CFAP46: variants seen among roughly 807,000 people sequenced by gnomAD.
CFAP46 encodes cilia and flagella associated protein 46, also known as cilia- and flagella-associated protein 46.
CFAP46 carries 245 observed loss-of-function variants against 325.7 expected under a neutral mutation model. That is an observed-to-expected ratio of 0.75 (90% CI 0.68 to 0.84). The LOEUF (loss-of-function observed/expected upper bound fraction) is 0.84. Among genes scored for constraint, CFAP46 ranks in the 40% least tolerant of loss-of-function variants. CFAP46 has a pLI of 0.00. For missense variants in CFAP46, 3,346 were observed against 3,543.0 expected (o/e 0.94, Z 1.41); for synonymous variants, 1,523 against 1,495.9 (o/e 1.02, Z -0.42).
At chr10:132,918,692 G>A (rs1033083901) in intron 15 of CFAP46, among the ~76,000 whole-genome samples, 172 bp from the exon 16 acceptor site, 4 of 152,342 alleles carry the variant, frequency 2.6e-5, no homozygotes, top group Admixed American at 2.0e-4. Flanking sequence ...AGAGGCTGGA[G>A]GAGCTCTCCG....
chr10:132,846,964 C>T lies in CFAP46; in HGVS notation c.6235G>A (p.Ala2079Thr). ...AGAGCCAGGAACTGGCAGGTAGTTG[C>T]AGGGTCCAGGGTGCCGACACACTCC... ...MVECVGTLDPATTCQFLALSQ... is the reference protein window; with the variant it reads ...MVECVGTLDPTTTCQFLALSQ... The change falls in exon 43 of 58, where the codon GCA becomes ACA. Residue 2079 changes from alanine (A) to threonine (T), a missense_variant. Transcript: ENST00000368586. 4 of 1,610,714 alleles carry T rather than the reference C, an allele frequency of 2.5e-6. No individual in the cohort carries two copies. Among genetic ancestry groups the T allele is most frequent in the Non-Finnish European group, 3.4e-6 (4 of 1,179,630 alleles).
rs556109189 is a variant in CFAP46 at position 132,919,139 on chromosome 10, G to A, written c.1858+176C>T. Among the ~76,000 whole-genome samples the A allele has an allele frequency of 6.6e-4, 100 of 152,318 alleles. No homozygotes were observed. The highest frequency in any genetic ancestry group is 1.9e-3 in the African/African-American group (77 of 41,562). On this transcript the variant is annotated intron_variant, in intron 15 of 57. Transcript: ENST00000368586. This position sits in a 1 kb window ranked among gnomAD's most constrained non-coding sequence, Gnocchi z 9.7. Reference sequence around the variant, plus strand: ...TCGGCCGACACAGCCAGATGTGGCCGCCGCCCCATGATTGGCGGTCCTGAT... The same window carrying A: ...TCGGCCGACACAGCCAGATGTGGCCACCGCCCCATGATTGGCGGTCCTGAT...
At chr10:132,901,010 G>A (rs561249499) in intron 22 of CFAP46, among the ~76,000 whole-genome samples, 10 of 152,326 alleles carry the variant, frequency 6.6e-5, no homozygotes, top group African/African-American at 7.2e-5. Context: ...CTCGGATCGC[G>A]TGCCTGGGCC....
intron 27 of CFAP46, among the ~76,000 whole-genome samples, chr10:132,883,484 G>A (rs759989376): frequency 9.2e-5 from 14 of 152,378 alleles, no homozygotes; most frequent in Non-Finnish European, 1.6e-4. Context: ...GCTGGTGAGC[G>A]TGTGGAGAAA....
Position 132,812,847 on chromosome 10 carries a change from T to C in CFAP46, c.7439A>G (p.Tyr2480Cys). The C allele has an allele frequency of 1.2e-6, 2 of 1,611,828 alleles. No homozygotes were observed. The highest frequency in any genetic ancestry group is 8.5e-7 in the Non-Finnish European group (1 of 1,179,824). ...ALGSCSGFFFYGMESFLSHIL... is the reference protein window; with the variant it reads ...ALGSCSGFFFCGMESFLSHIL... Reference sequence around the variant, plus strand: ...ATGGGACAGGAAGCTCTCCATTCCATAGAAGAAGAAACCGCTGCAGCTGCC... The same window carrying C: ...ATGGGACAGGAAGCTCTCCATTCCACAGAAGAAGAAACCGCTGCAGCTGCC... The change falls in exon 55 of 58, where the codon TAT (tyrosine) becomes TGT (cysteine). Residue 2480 changes from tyrosine to cysteine, a missense_variant. Transcript: ENST00000368586.
intron 7 of CFAP46, 138 bp downstream of exon 7, chr10:132,936,823 A>AT: frequency 2.3e-6 from 1 of 441,108 alleles, no homozygotes. Context: ...CCAGGCTCCT[A>AT]TTCTCCAGCC....
At chr10:132,924,216 A>G (rs1478443471) in intron 11 of CFAP46, among the ~76,000 whole-genome samples, 1 of 150,922 alleles carries the variant, frequency 6.6e-6, no homozygotes, top group African/African-American at 2.4e-5. Context: ...CCTGCCTGCC[A>G]TGGTCCACCC....
At chr10:132,921,438 C>T (rs1197409481) in intron 13 of CFAP46, among the ~76,000 whole-genome samples, 2 of 152,230 alleles carry the variant, frequency 1.3e-5, no homozygotes, top group African/African-American at 4.8e-5. Flanking sequence ...GCACATGGGC[C>T]GTACGGCCCC....
rs1335953602 is a variant in CFAP46 at position 132,879,754 on chromosome 10, C to T, written c.3800-123G>A. The T allele has an allele frequency of 3.9e-6, 4 of 1,015,734 alleles. No individual in the cohort carries two copies. In the African/African-American group the frequency reaches 6.6e-5, roughly 17 times the overall value. 62.9% of individuals were successfully genotyped at this position (1,015,734 alleles called of 1,614,324 possible). ...CGGTGCCTCGCGGACACCCGGTGCT[C>T]CACTCTGCTGAGGGCCGGCAGCCAG... On this transcript the variant is annotated intron_variant, in intron 28 of 57. Coordinates refer to ENST00000368586, the MANE Select transcript of CFAP46 (RefSeq NM_001200049.3).
chr10:132,858,491 T>C (rs1848679708), intron 38 of CFAP46, among the ~76,000 whole-genome samples: 1 of 151,698 alleles, frequency 6.6e-6, no homozygotes, highest in Non-Finnish European at 1.5e-5. Flanking sequence ...CAGGGAGGCT[T>C]TGCCAGGGTG....
chr10:132,916,678 G>A lies in CFAP46; in HGVS notation c.1991C>T (p.Thr664Met), dbSNP rs753356120. The A allele has an allele frequency of 2.7e-5, 40 of 1,470,840 alleles. No homozygotes were observed. The highest frequency in any genetic ancestry group is 1.8e-4 in the South Asian group (13 of 73,272). 91.1% of individuals were successfully genotyped at this position (1,470,840 alleles called of 1,614,324 possible). A position where few individuals can be genotyped will look rare whatever the true frequency, so the allele number is the denominator to read the frequency against. ...AEVGFIHAEA[T>M]VHLLRSEGVE... ...ACCTTCTGACCGCAGCAAATGAACCGTGGCCTGCAAAACACACATGCGGTG... is the reference window on the plus strand; with the variant it reads ...ACCTTCTGACCGCAGCAAATGAACCATGGCCTGCAAAACACACATGCGGTG... The change falls in exon 17 of 58, where the codon ACG becomes ATG. Residue 664 changes from threonine (T) to methionine (M), a missense_variant. By Grantham distance (81) the Thr-to-Met change is moderately conservative. Transcript: ENST00000368586.
chr10:132,896,923 C>T (rs766339064), intron 24 of CFAP46, among the ~76,000 whole-genome samples: 3 of 152,096 alleles, frequency 2.0e-5, no homozygotes, highest in East Asian at 1.9e-4. Flanking sequence ...CCATACAGGC[C>T]GGTGAAATAG....
chr10:132,857,741 T>C lies in CFAP46; in HGVS notation c.5423A>G (p.Tyr1808Cys). 1 of 1,596,828 alleles carries C rather than the reference T, an allele frequency of 6.3e-7. No individual in the cohort carries two copies. Among genetic ancestry groups the C allele is most frequent in the Non-Finnish European group, 8.5e-7 (1 of 1,172,476 alleles). ...EKDEEQKTAYYLEAYGLAQGA... is the reference protein window; with the variant it reads ...EKDEEQKTAYCLEAYGLAQGA... The stretch of plus-strand genomic sequence containing the variant: ...CTGGGCCAGGCCATACGCTTCCAAG[T>C]AATACGCAGTTTTTTGTTCTTCATC... Residue 1808 changes from tyrosine to cysteine, a missense_variant, in exon 39 of 58, where the codon TAC becomes TGC. Transcript: ENST00000368586.
chr10:132,864,872 CCCCCTGCCTGAGACCTGCACACACCTG>C, intron 35 of CFAP46, among the ~76,000 whole-genome samples: 1 of 134,160 alleles, frequency 7.5e-6, no homozygotes, highest in East Asian at 2.3e-4. Context: ...ACACACCTGT[CCCCCTGCCTGAGACCTGCACACACCTG>C]CCCTCAGTGC....
At chr10:132,918,635 T>TC in intron 15 of CFAP46, 115 bp from the exon 16 acceptor site, 1 of 1,327,912 alleles carries the variant, frequency 7.5e-7, no homozygotes, top group South Asian at 1.8e-5. Flanking sequence ...CCGTGTAGGG[T>TC]CCGCCAAGGT....
At chr10:132,836,027 C>T in intron 46 of CFAP46, 115 bp downstream of exon 46, 1 of 127,682 alleles carries the variant, frequency 7.8e-6, no homozygotes, top group South Asian at 3.3e-4. Context: ...CGCCCCGCTC[C>T]CCCTCCCCTC....
At chr10:132,857,267 A>G (rs145819505) in intron 39 of CFAP46, among the ~76,000 whole-genome samples, 196 of 152,196 alleles carry the variant, frequency 1.3e-3, no homozygotes, top group Non-Finnish European at 2.4e-3. Context: ...GCTCTGTCCC[A>G]TGAGTGGCAG....
intron 50 of CFAP46, among the ~76,000 whole-genome samples, chr10:132,824,457 GTGC>G (rs1847987856): frequency 1.6e-5 from 2 of 126,650 alleles, no homozygotes; most frequent in African/African-American, 3.0e-5. Context: ...TGTGTGCTGT[GTGC>G]TGATGTGTGC....
chr10:132,939,229 A>G lies in CFAP46; in HGVS notation c.372-476T>C, dbSNP rs1284403647. Among the ~76,000 whole-genome samples, 1 of 152,198 alleles carries G rather than the reference A, an allele frequency of 6.6e-6. No homozygotes were observed. Among genetic ancestry groups the G allele is most frequent in the East Asian group, 1.9e-4 (1 of 5,186 alleles). ...AAAGATGTCAGGAGGCAGCCAAGAC[A>G]GTAGTAGAGGAAAAGAAGGTCAGGA... On this transcript the variant is annotated intron_variant, in intron 4 of 57. Coordinates refer to ENST00000368586, the MANE Select transcript of CFAP46 (RefSeq NM_001200049.3). The surrounding 1 kb of genome is among the most constrained non-coding windows in gnomAD (Gnocchi z 4.6).
Sources: allele counts gnomAD v4.1 joint callset (sites outside exome capture counted in the v4.1 genomes callset), GRCh38; gene constraint gnomAD v4.1.1; non-coding constraint Gnocchi (gnomAD v3.1); transcripts MANE v1.5; gene names NCBI Gene and HGNC (gene_info 2026-07-23, HGNC 2026-07-21).